Variants in GRXCR1 observed in about 807,000 individuals in gnomAD.
The protein encoded by GRXCR1 is glutaredoxin domain-containing cysteine-rich protein 1.
GRXCR1 carries 27 observed loss-of-function variants against 27.3 expected under a neutral mutation model. The ratio of observed to expected loss-of-function variants is 0.99; its 90% CI spans 0.73 to 1.37. The LOEUF (loss-of-function observed/expected upper bound fraction) is 1.37. GRXCR1 is among the 40% of genes most tolerant of loss of function. The probability of loss-of-function intolerance (pLI) is 0.00; values close to 1 mark genes in which losing one functional copy is unlikely to be tolerated. For missense variants in GRXCR1, 379 were observed against 354.4 expected, an observed-to-expected ratio of 1.07 and a Z score of -0.56; for synonymous variants, 122 against 131.1, an observed-to-expected ratio of 0.93 and a Z score of 0.47.
rs1217149186 is a variant in GRXCR1, at chr4:42,893,598, A to G, written c.332A>G (p.Tyr111Cys). 37 of 1,613,620 alleles carry G rather than the reference A, an allele frequency of 2.3e-5. No individual in the cohort carries two copies. The highest frequency in any genetic ancestry group is 3.0e-5 in the Non-Finnish European group (35 of 1,179,790). ...SKNGTVRGVK[Y>C]KVSAGQALFN... The stretch of plus-strand genomic sequence containing the variant: ...AATGGCACAGTCAGAGGCGTCAAAT[A>G]CAAAGTGAGTGCTGGCCAGGCTCTA... Residue 111 changes from tyrosine (Y) to cysteine (C), a missense_variant, in exon 1 of 4, where the codon TAC (tyrosine) becomes TGC (cysteine). Physicochemically the swap from Tyr to Cys is radical, Grantham distance 194. Coordinates refer to ENST00000399770, the MANE Select transcript of GRXCR1 (RefSeq NM_001080476.3).
chr4:42,910,928 G>T (rs1365215555), intron 1 of GRXCR1, among the ~76,000 whole-genome samples: 1 of 151,974 alleles, frequency 6.6e-6, no homozygotes, highest in East Asian at 1.9e-4. Context: ...GTGACTCTTT[G>T]CTGGAAGTTT....
intron 1 of GRXCR1, among the ~76,000 whole-genome samples, chr4:42,944,911 A>C (rs1414044309): frequency 2.0e-5 from 3 of 152,154 alleles, no homozygotes; most frequent in Admixed American, 2.0e-4. Context: ...TCTTGGTTGT[A>C]TCAGTCAGTG....
At chr4:43,027,613 T>G (rs576942261) in intron 3 of GRXCR1, among the ~76,000 whole-genome samples, 9 of 152,338 alleles carry the variant, frequency 5.9e-5, no homozygotes, top group African/African-American at 1.7e-4. Flanking sequence ...GAAAGCTGCA[T>G]AGCACTAACA....
intron 2 of GRXCR1, among the ~76,000 whole-genome samples, chr4:43,016,350 C>T (rs1343485772): frequency 2.6e-5 from 4 of 151,776 alleles, no homozygotes; most frequent in Non-Finnish European, 4.4e-5. Flanking sequence ...TATTAGTTGC[C>T]CTCCCTCATT....
intron 1 of GRXCR1, among the ~76,000 whole-genome samples, chr4:42,905,445 A>G (rs1417840936): frequency 6.6e-6 from 1 of 152,234 alleles, no homozygotes; most frequent in Non-Finnish European, 1.5e-5. Flanking sequence ...GCCTTCTGCT[A>G]TGAGCCACAC....
At chr4:42,893,739 T>C (rs1746287113) in intron 1 of GRXCR1, 89 bp downstream of exon 1, 1 of 1,273,876 alleles carries the variant, frequency 7.9e-7, no homozygotes, top group Non-Finnish European at 1.1e-6. Flanking sequence ...CAAGCCTCTC[T>C]TATTTGCAAC....
intron 1 of GRXCR1, among the ~76,000 whole-genome samples, chr4:42,954,892 T>A (rs1458679206): frequency 1.3e-5 from 2 of 152,116 alleles, no homozygotes; most frequent in Non-Finnish European, 2.9e-5. Flanking sequence ...AGTGCAAGAA[T>A]AAGAATTCAA....
intron 2 of GRXCR1, among the ~76,000 whole-genome samples, chr4:42,973,210 C>A (rs1416780971): frequency 1.3e-5 from 2 of 152,250 alleles, no homozygotes; most frequent in Middle Eastern, 3.4e-3. Flanking sequence ...TTTCTTACTC[C>A]ACATTGCCAT....
At chr4:42,939,941 A>G (rs1165265115) in intron 1 of GRXCR1, among the ~76,000 whole-genome samples, 3 of 151,626 alleles carry the variant, frequency 2.0e-5, no homozygotes, top group African/African-American at 7.3e-5. Flanking sequence ...CTTAGTTGAG[A>G]CAGAAGTATT....
intron 2 of GRXCR1, among the ~76,000 whole-genome samples, chr4:42,978,908 G>A (rs754687110): frequency 1.5e-4 from 23 of 152,096 alleles, no homozygotes; most frequent in Non-Finnish European, 2.8e-4. Flanking sequence ...TAGTGAGTGA[G>A]TTCTCACGAG....
intron 2 of GRXCR1, among the ~76,000 whole-genome samples, chr4:42,984,562 C>G (rs1440789496): frequency 6.6e-6 from 1 of 152,202 alleles, no homozygotes; most frequent in Non-Finnish European, 1.5e-5. Context: ...ACAGTCAGCT[C>G]CTTCAGAGAT....
chr4:42,893,327 G>A lies in GRXCR1; in HGVS notation c.61G>A (p.Ala21Thr), dbSNP rs745501581. The A allele has an allele frequency of 1.8e-5, 29 of 1,613,636 alleles. 1 individual carries two copies. The highest frequency in any genetic ancestry group is 8.8e-5 in the South Asian group (8 of 91,080). ...GCCACGGAAAGTCCGGTTTCGGATC[G>A]CGTCCTCTCACAGTGGGCGAGTTCT... ...DRPRKVRFRI[A>T]SSHSGRVLKE... Residue 21 changes from alanine to threonine, a missense_variant, in exon 1 of 4, where the codon GCG becomes ACG. Physicochemically the swap from Ala to Thr is moderately conservative, Grantham distance 58. Transcript: ENST00000399770.
At chr4:42,902,642 T>G (rs10022895) in intron 1 of GRXCR1, among the ~76,000 whole-genome samples, 44,845 of 151,984 alleles carry the variant, frequency 0.3, 7,160 homozygotes, top group Middle Eastern at 0.38. Flanking sequence ...TGACAACACA[T>G]GAACACATTT....
intron 1 of GRXCR1, among the ~76,000 whole-genome samples, chr4:42,941,348 T>C (rs894773844): frequency 2.0e-5 from 3 of 152,070 alleles, no homozygotes; most frequent in Admixed American, 2.0e-4. Flanking sequence ...AGGTCAGGAA[T>C]TGTAAGTAAC....
At chr4:43,004,580 C>T (rs570450103) in intron 2 of GRXCR1, among the ~76,000 whole-genome samples, 1 of 152,166 alleles carries the variant, frequency 6.6e-6, no homozygotes, top group Non-Finnish European at 1.5e-5. Flanking sequence ...CTGCTCAAGA[C>T]CTTGGGAGCC....
intron 2 of GRXCR1, among the ~76,000 whole-genome samples, chr4:43,002,692 G>C (rs1372959400): frequency 6.9e-6 from 1 of 145,886 alleles, no homozygotes; most frequent in Non-Finnish European, 1.5e-5. Context: ...CTGAATACTG[G>C]GCTACATGTA....
chr4:43,025,255 A>G lies in GRXCR1; in HGVS notation c.693+4836A>G, dbSNP rs1216332306. Among the ~76,000 whole-genome samples, 66 of 152,176 alleles carry G rather than the reference A, an allele frequency of 4.3e-4. 1 individual carries two copies. The highest frequency in any genetic ancestry group is 4.2e-3 in the Admixed American group (64 of 15,280). On this transcript the variant is annotated intron_variant, in intron 3 of 3. Transcript: ENST00000399770. Reference sequence around the variant, plus strand: ...CATTTCGTGTGCTTTAGTTGAGATGACTGCAATATGGAGCAGACCTATCCA... The same window carrying G: ...CATTTCGTGTGCTTTAGTTGAGATGGCTGCAATATGGAGCAGACCTATCCA...
chr4:43,008,378 G>T (rs1442885234), intron 2 of GRXCR1, among the ~76,000 whole-genome samples: 1 of 152,122 alleles, frequency 6.6e-6, no homozygotes, highest in African/African-American at 2.4e-5. Context: ...CATGAGAAGG[G>T]AAATAGGAGA....
At chr4:42,952,264 A>T (rs1354444113) in intron 1 of GRXCR1, among the ~76,000 whole-genome samples, 1 of 152,186 alleles carries the variant, frequency 6.6e-6, no homozygotes, top group East Asian at 1.9e-4. Flanking sequence ...GTTGTTGGTT[A>T]TAAACTTTAT....
Sources: gnomAD v4.1 joint callset for allele counts (sites outside exome capture counted in the v4.1 genomes callset) on GRCh38, gnomAD v4.1.1 for gene constraint, MANE v1.5 for transcripts, NCBI Gene and HGNC (gene_info 2026-07-23, HGNC 2026-07-21) for gene names.